The following PPP2R5C variants were observed in gnomAD, a reference collection of about 807,000 sequenced individuals.
PPP2R5C encodes protein phosphatase 2 regulatory subunit B'gamma.
PPP2R5C carries 7 observed loss-of-function variants against 68.9 expected under a neutral mutation model. The observed-to-expected ratio is 0.10, with a 90% CI of 0.06 to 0.19. The LOEUF (loss-of-function observed/expected upper bound fraction) is 0.19, where lower values mean the gene tolerates loss of function less well. Ranked by LOEUF, PPP2R5C falls within the 10% of genes least tolerant of loss-of-function variation. The pLI, the probability that PPP2R5C is intolerant of heterozygous loss-of-function variation, is 1.00. For synonymous variants in PPP2R5C, 210 were observed against 222.2 expected (o/e 0.95, Z 0.49); for missense variants, 348 against 641.3 (o/e 0.54, Z 4.94).
intron 2 of PPP2R5C, among the ~76,000 whole-genome samples, chr14:101,861,267 C>G (rs1403298848): frequency 6.6e-6 from 1 of 152,160 alleles, no homozygotes; most frequent in East Asian, 1.9e-4. Flanking sequence ...CCTCTTAGAG[C>G]CTACAGTAGA....
chr14:101,809,968 G>A, exon 1 of PPP2R5C: 1 of 1,613,964 alleles, frequency 6.2e-7, no homozygotes, highest in Non-Finnish European at 8.5e-7. Context: ...AAAGCGGGCA[G>A]CAGGATGGTG....
chr14:101,812,680 A>G (rs1340821644), intron 1 of PPP2R5C, among the ~76,000 whole-genome samples: 2 of 152,162 alleles, frequency 1.3e-5, no homozygotes, highest in African/African-American at 2.4e-5. Flanking sequence ...TTTGTATAAC[A>G]GTTTTGTACC....
rs538355073 is a variant in PPP2R5C, at chr14:101,844,367, T to C, written c.95-12319T>C. On this transcript the variant is annotated intron_variant, in intron 1 of 13. Coordinates refer to ENST00000334743, the Ensembl canonical transcript of PPP2R5C. ...TTGGACACACACGTGCACACAGTTC[T>C]GATATCGTGGTTTCTGGCACGTGAC... Among the ~76,000 whole-genome samples the C allele has an allele frequency of 2.0e-3, 309 of 152,304 alleles. 1 individual carries two copies. The highest frequency in any genetic ancestry group is 7.0e-3 in the African/African-American group (293 of 41,568).
Position 101,912,294 on chromosome 14 carries a change from G to A in PPP2R5C, c.1254-107G>A, listed in dbSNP as rs1167984389. 3 of 870,004 alleles carry A rather than the reference G, an allele frequency of 3.4e-6. No individual in the cohort carries two copies. The East Asian group carries it at 8.6e-5, about 25-fold the overall frequency. 53.9% of individuals were successfully genotyped at this position (870,004 alleles called of 1,614,324 possible). ...TGTGGGGAAATGGAGCAGGGGGGCT[G>A]CGGGAGGAGCCGCTGGCTGGGCTCA... On this transcript the variant is annotated intron_variant, in intron 11 of 13. Transcript: ENST00000334743.
intron 3 of PPP2R5C, among the ~76,000 whole-genome samples, chr14:101,801,000 A>G (rs1276740468): frequency 6.6e-6 from 1 of 152,190 alleles, no homozygotes; most frequent in Non-Finnish European, 1.5e-5. Flanking sequence ...GATCTTACTC[A>G]TGTGGGAGGT....
At chr14:101,883,140 T>C in intron 3 of PPP2R5C, 117 bp from the exon 6 acceptor site, 1 of 663,258 alleles carries the variant, frequency 1.5e-6, no homozygotes, top group Non-Finnish European at 2.5e-6. Context: ...ATTCTGTAGA[T>C]ATGTGGCTTT....
At chr14:101,864,877 A>G (rs972481200) in intron 2 of PPP2R5C, among the ~76,000 whole-genome samples, 5 of 152,260 alleles carry the variant, frequency 3.3e-5, no homozygotes, top group Admixed American at 3.3e-4. Flanking sequence ...AGTGTGAAGA[A>G]TAGGTGGGAA....
intron 5 of PPP2R5C, among the ~76,000 whole-genome samples, chr14:101,889,209 C>T (rs998139899): frequency 1.3e-5 from 2 of 152,184 alleles, no homozygotes; most frequent in Non-Finnish European, 2.9e-5. Flanking sequence ...TTTTAATCTT[C>T]TCAAACTTAT....
At chr14:101,910,401 A>ATGTG (rs34403296) in intron 11 of PPP2R5C, among the ~76,000 whole-genome samples, 8 of 151,212 alleles carry the variant, frequency 5.3e-5, no homozygotes, top group African/African-American at 1.9e-4. Flanking sequence ...GTGTGTATCT[A>ATGTG]TGTGTGTGTG....
chr14:101,894,325 A>G (rs569836008), intron 7 of PPP2R5C, among the ~76,000 whole-genome samples, 182 bp from the exon 10 acceptor site: 1 of 152,280 alleles, frequency 6.6e-6, no homozygotes, highest in East Asian at 1.9e-4. Context: ...TTTATTTTTC[A>G]GCTTTCTGAT....
At chr14:101,789,883 C>T (rs981884916) in intron 3 of PPP2R5C, 48 of 151,928 alleles carry the variant, frequency 3.2e-4, no homozygotes, top group African/African-American at 1.1e-3. Flanking sequence ...CTCTATGAAA[C>T]GTCTGTAGCT....
intron 3 of PPP2R5C, among the ~76,000 whole-genome samples, chr14:101,802,461 A>G (rs1229254202): frequency 6.6e-6 from 1 of 152,172 alleles, no homozygotes; most frequent in Non-Finnish European, 1.5e-5. Flanking sequence ...CCTTCATAAC[A>G]CATACAAAGA....
intron 6 of PPP2R5C, among the ~76,000 whole-genome samples, chr14:101,892,762 C>T (rs1221914520): frequency 6.6e-6 from 1 of 152,066 alleles, no homozygotes; most frequent in East Asian, 1.9e-4. Flanking sequence ...GGCTAGAGAA[C>T]AGTGGCTCTT....
At chr14:101,889,839 G>A (rs1265384823) in intron 5 of PPP2R5C, 4 of 381,670 alleles carry the variant, frequency 1.0e-5, no homozygotes, top group Middle Eastern at 3.7e-4. Context: ...TTGAAATACA[G>A]CAAAAACGTA....
At chr14:101,892,899 C>G (rs1279099717) in intron 6 of PPP2R5C, 101 bp from the exon 9 acceptor site, 1 of 838,612 alleles carries the variant, frequency 1.2e-6, no homozygotes, top group African/African-American at 1.7e-5. Flanking sequence ...ATTTTGCCTG[C>G]TGGGTTTTGA....
intron 1 of PPP2R5C, among the ~76,000 whole-genome samples, chr14:101,816,505 G>T (rs1249123235): frequency 6.6e-6 from 1 of 152,148 alleles, no homozygotes; most frequent in Non-Finnish European, 1.5e-5. Flanking sequence ...TCAGATCCTT[G>T]TTCTAAAAAG....
intron 11 of PPP2R5C, among the ~76,000 whole-genome samples, chr14:101,911,347 C>T (rs2093111955): frequency 6.6e-6 from 1 of 152,102 alleles, no homozygotes; most frequent in African/African-American, 2.4e-5. Context: ...CAAAATACAC[C>T]TAAGTGAACT....
At chr14:101,855,786 G>A (rs928140463) in intron 1 of PPP2R5C, among the ~76,000 whole-genome samples, 5 of 152,186 alleles carry the variant, frequency 3.3e-5, no homozygotes, top group South Asian at 2.1e-4. Context: ...ATACTGGACC[G>A]TCATTCAGAG....
In PPP2R5C at chr14:101,864,240, A is replaced by G. The variant is rs1287030064; in HGVS notation, c.294+7355A>G. On this transcript the variant is annotated intron_variant, in intron 2 of 13. Coordinates refer to ENST00000334743, the Ensembl canonical transcript of PPP2R5C. ...ATGAAAATAACCTGAAGATCAGAAA[A>G]GGAATTGCTTGGATTGGTGATTGAA... Among the ~76,000 whole-genome samples the G allele has an allele frequency of 3.9e-5, 6 of 152,212 alleles. No homozygotes were observed. The East Asian group carries it at 1.2e-3, about 29-fold the overall frequency.
Sources: allele counts gnomAD v4.1 joint callset (sites outside exome capture counted in the v4.1 genomes callset), GRCh38; gene constraint gnomAD v4.1.1; transcripts MANE v1.5; gene names NCBI Gene and HGNC (gene_info 2026-07-23, HGNC 2026-07-21).